MKLN1: variants seen among roughly 807,000 people sequenced by gnomAD.
MKLN1 encodes the protein muskelin 1.
Under a neutral mutation model 99.0 loss-of-function variants are expected in MKLN1, and 18 were observed. The ratio of observed to expected loss-of-function variants is 0.18; its 90% CI spans 0.13 to 0.27. The LOEUF (loss-of-function observed/expected upper bound fraction) is 0.27, where lower values mean the gene tolerates loss of function less well. MKLN1 is among the 10% of genes least tolerant of loss of function. The pLI, the probability that MKLN1 is intolerant of heterozygous loss-of-function variation, is 1.00. For missense variants in MKLN1, 621 were observed against 875.9 expected, an observed-to-expected ratio of 0.71 and a Z score of 3.67; for synonymous variants, 288 against 293.2, an observed-to-expected ratio of 0.98 and a Z score of 0.18.
intron 2 of MKLN1, among the ~76,000 whole-genome samples, chr7:131,386,094 A>C (rs1184045313): frequency 1.3e-5 from 2 of 150,972 alleles, no homozygotes; most frequent in Non-Finnish European, 2.9e-5. Flanking sequence ...GCTCACTGCA[A>C]CCTCCATCTC....
chr7:131,482,643 C>T (rs2116693171), intron 17 of MKLN1, among the ~76,000 whole-genome samples: 1 of 152,198 alleles, frequency 6.6e-6, no homozygotes. Flanking sequence ...ATGGAAGAAT[C>T]TCTTGAGCCC....
intron 3 of MKLN1, among the ~76,000 whole-genome samples, chr7:131,294,335 A>G (rs1798260802): frequency 6.6e-6 from 1 of 152,226 alleles, no homozygotes; most frequent in South Asian, 2.1e-4. Flanking sequence ...TAATGCTTCA[A>G]CGGTTAAAAA....
intron 3 of MKLN1, among the ~76,000 whole-genome samples, chr7:131,227,712 C>T (rs578152360): frequency 2.0e-5 from 3 of 151,828 alleles, no homozygotes; most frequent in African/African-American, 4.8e-5. Flanking sequence ...ATCACAGGAA[C>T]GTACCACCAT....
intron 2 of MKLN1, among the ~76,000 whole-genome samples, chr7:131,184,742 G>T (rs1346805284): frequency 6.6e-6 from 1 of 152,164 alleles, no homozygotes; most frequent in African/African-American, 2.4e-5. Flanking sequence ...GGCCAGGCTA[G>T]TCTCGAACTC....
At chr7:131,328,593 A>C (rs1363175827) in intron 1 of MKLN1, among the ~76,000 whole-genome samples, 2 of 152,184 alleles carry the variant, frequency 1.3e-5, no homozygotes, top group Non-Finnish European at 2.9e-5. Context: ...CGTTGTCTTT[A>C]ATGCCTGGAA....
At chr7:131,264,607 G>C (rs910206885) in intron 3 of MKLN1, among the ~76,000 whole-genome samples, 2 of 152,070 alleles carry the variant, frequency 1.3e-5, no homozygotes, top group African/African-American at 2.4e-5. Flanking sequence ...GGTAAACTCT[G>C]CCCAAGGTTG....
chr7:131,205,762 A>G (rs1163159476), intron 3 of MKLN1, among the ~76,000 whole-genome samples: 1 of 152,090 alleles, frequency 6.6e-6, no homozygotes, highest in Non-Finnish European at 1.5e-5. Flanking sequence ...GGCTGCTCCT[A>G]GAGGCCTTGC....
intron 3 of MKLN1, among the ~76,000 whole-genome samples, chr7:131,308,512 T>C (rs1038954044): frequency 6.6e-5 from 10 of 152,056 alleles, no homozygotes; most frequent in Non-Finnish European, 1.3e-4. Flanking sequence ...CCACCTGCCT[T>C]GGCCTCCCAA....
At chr7:131,143,192 G>A (rs1795762579) in intron 2 of MKLN1, among the ~76,000 whole-genome samples, 1 of 152,174 alleles carries the variant, frequency 6.6e-6, no homozygotes. Context: ...TCTTTGGCTG[G>A]GCGCAGTGGC....
intron 16 of MKLN1, among the ~76,000 whole-genome samples, chr7:131,473,866 G>A (rs74365117): frequency 0.02 from 3,097 of 152,254 alleles, 57 homozygotes; most frequent in South Asian, 0.059. Context: ...AATAAGTACT[G>A]GGCCGGGCAC....
chr7:131,345,421 G>T (rs999197208), intron 1 of MKLN1, among the ~76,000 whole-genome samples: 2 of 152,158 alleles, frequency 1.3e-5, no homozygotes, highest in African/African-American at 4.8e-5. Flanking sequence ...CTGATTTTGG[G>T]TTTTCAGATT....
intron 6 of MKLN1, among the ~76,000 whole-genome samples, chr7:131,404,550 A>G (rs768853105): frequency 6.6e-5 from 10 of 151,958 alleles, no homozygotes; most frequent in African/African-American, 1.2e-4. Flanking sequence ...TGCTCAAATG[A>G]TCCCAAAGCA....
rs1797347264 is a variant in MKLN1 at position 131,488,575 on chromosome 7, T to C, written c.*847T>C. On this transcript the variant is annotated 3_prime_UTR_variant, in exon 18 of 18. Transcript: ENST00000352689. ...GATCTAGTAGTGAATAATATCTTAA[T>C]AGCAATTTTAGGAGAAAATGACTCT... The C allele has an allele frequency of 6.6e-6, 1 of 152,528 alleles. No individual in the cohort carries two copies. The highest frequency in any genetic ancestry group is 1.5e-5 in the Non-Finnish European group (1 of 67,996). The allele number at this position is 152,528 out of a possible 1,614,324, so 9.4% of individuals were successfully genotyped here. A position where few individuals can be genotyped will look rare whatever the true frequency, so the allele number is the denominator to read the frequency against.
rs547033621 is a variant in MKLN1, at chr7:131,306,086, T to C, written c.-178-69338T>C. Among the ~76,000 whole-genome samples the C allele has an allele frequency of 3.0e-4, 45 of 152,282 alleles. No individual in the cohort carries two copies. The East Asian group carries it at 8.1e-3, about 27-fold the overall frequency. On this transcript the variant is annotated intron_variant, in intron 3 of 7. Transcript: ENST00000416992. ...TTTAAAAGTGTGGCACATCCCCCCT[T>C]GCTCTCTCCCTCCTGCCACCTTGTG... is the stretch of plus-strand genomic sequence containing the variant.
intron 1 of MKLN1, among the ~76,000 whole-genome samples, chr7:131,350,914 C>G (rs1799701510): frequency 6.6e-6 from 1 of 152,150 alleles, no homozygotes; most frequent in African/African-American, 2.4e-5. Flanking sequence ...TTTATGGCCA[C>G]AATGTCATTA....
At chr7:131,131,750 A>C (rs1366940331) in intron 1 of MKLN1, among the ~76,000 whole-genome samples, 1 of 152,226 alleles carries the variant, frequency 6.6e-6, no homozygotes, top group Non-Finnish European at 1.5e-5. Context: ...AAGATGTATT[A>C]ATCTTGAGGA....
At chr7:131,352,578 C>G (rs945622825) in intron 1 of MKLN1, among the ~76,000 whole-genome samples, 8 of 151,566 alleles carry the variant, frequency 5.3e-5, no homozygotes, top group Admixed American at 5.3e-4. Context: ...GCTTTGGGCC[C>G]TATCTATGTG....
chr7:131,246,677 G>A (rs958608188), intron 3 of MKLN1, among the ~76,000 whole-genome samples: 11 of 151,162 alleles, frequency 7.3e-5, no homozygotes, highest in Non-Finnish European at 1.0e-4. Flanking sequence ...TTGTAGAGAC[G>A]GGGTTTTGCC....
intron 3 of MKLN1, among the ~76,000 whole-genome samples, chr7:131,275,823 T>C (rs1385302038): frequency 6.6e-6 from 1 of 151,868 alleles, no homozygotes; most frequent in African/African-American, 2.4e-5. Context: ...AGGCTGTTTA[T>C]TGTGAAAGCT....
Sources: allele counts gnomAD v4.1 joint callset (sites outside exome capture counted in the v4.1 genomes callset), GRCh38; gene constraint gnomAD v4.1.1; transcripts MANE v1.5; gene names NCBI Gene and HGNC (gene_info 2026-07-23, HGNC 2026-07-21).